MCCC2: variants seen among roughly 807,000 people sequenced by gnomAD.
The protein encoded by MCCC2 is methylcrotonyl-CoA carboxylase subunit 2.
Under a neutral mutation model 77.2 loss-of-function variants are expected in MCCC2, and 52 were observed. The ratio of observed to expected loss-of-function variants is 0.67; its 90% CI spans 0.54 to 0.85. The LOEUF (loss-of-function observed/expected upper bound fraction) is 0.85, where lower values mean the gene tolerates loss of function less well. Among genes scored for constraint, MCCC2 ranks in the 40% least tolerant of loss-of-function variants. The pLI, the probability that MCCC2 is intolerant of heterozygous loss-of-function variation, is 0.00. For synonymous variants in MCCC2, 253 were observed against 248.4 expected (o/e 1.02, Z -0.18); for missense variants, 682 against 703.2 (o/e 0.97, Z 0.34).
chr5:71,623,868 A>G (rs1277766856), intron 6 of MCCC2, among the ~76,000 whole-genome samples: 2 of 152,184 alleles, frequency 1.3e-5, no homozygotes, highest in African/African-American at 2.4e-5. Context: ...AATTCCCGGA[A>G]GTAGATATGC....
chr5:71,615,220 C>G (rs986906069), intron 6 of MCCC2, among the ~76,000 whole-genome samples: 2 of 152,148 alleles, frequency 1.3e-5, no homozygotes, highest in African/African-American at 4.8e-5. Flanking sequence ...CCACCCACCT[C>G]GACCTCCCAG....
intron 1 of MCCC2, among the ~76,000 whole-genome samples, chr5:71,588,636 A>G (rs769276390): frequency 1.2e-4 from 18 of 152,358 alleles, no homozygotes; most frequent in African/African-American, 3.8e-4. Flanking sequence ...AGGGTTGTCT[A>G]AAGCTTGAGA....
At position 71,657,254 on chromosome 5, in the gene MCCC2, G is replaced by T; in HGVS notation, c.*394G>T. ...GGTTATGCTTGGTGATATTTTAGCG[G>T]GCTTATTTTTGAAAGGCATCTGTTA... On this transcript the variant is annotated 3_prime_UTR_variant, in exon 17 of 17. Transcript: ENST00000340941. 1 of 227,396 alleles carries T rather than the reference G, an allele frequency of 4.4e-6. No individual in the cohort carries two copies. The highest frequency in any genetic ancestry group is 5.9e-5 in the South Asian group (1 of 16,948). The allele number at this position is 227,396 out of a possible 1,614,324, so 14.1% of individuals were successfully genotyped here. A position where few individuals can be genotyped will look rare whatever the true frequency, so the allele number is the denominator to read the frequency against.
intron 6 of MCCC2, among the ~76,000 whole-genome samples, chr5:71,624,797 G>C (rs1746483538): frequency 1.3e-5 from 2 of 149,500 alleles, no homozygotes; most frequent in South Asian, 4.3e-4. Flanking sequence ...CAGGTTAAGT[G>C]ATTCTCCTGC....
intron 13 of MCCC2, among the ~76,000 whole-genome samples, chr5:71,648,101 A>T (rs1561847586): frequency 6.6e-6 from 1 of 152,220 alleles, no homozygotes; most frequent in Non-Finnish European, 1.5e-5. Flanking sequence ...GATGGTGCCA[A>T]GTAAAGGGCT....
intron 4 of MCCC2, among the ~76,000 whole-genome samples, chr5:71,600,738 C>T (rs1305504330): frequency 1.3e-5 from 2 of 152,166 alleles, no homozygotes; most frequent in African/African-American, 4.8e-5. Context: ...TCTGGTGAGT[C>T]TGGGCATGGC....
chr5:71,627,050 T>C (rs1286694967), intron 7 of MCCC2, among the ~76,000 whole-genome samples: 1 of 152,216 alleles, frequency 6.6e-6, no homozygotes, highest in African/African-American at 2.4e-5. Flanking sequence ...CTTATGAATT[T>C]GACTATTCTA....
At chr5:71,619,774 G>A (rs1379453442) in intron 6 of MCCC2, among the ~76,000 whole-genome samples, 3 of 152,064 alleles carry the variant, frequency 2.0e-5, no homozygotes, top group Admixed American at 1.3e-4. Flanking sequence ...GGCAGATCAC[G>A]AGGTCAGGAG....
intron 12 of MCCC2, among the ~76,000 whole-genome samples, chr5:71,645,932 C>T (rs1747261860): frequency 6.6e-6 from 1 of 151,976 alleles, no homozygotes; most frequent in South Asian, 2.1e-4. Flanking sequence ...AGTGGTAGCA[C>T]ACACCTGTAG....
At chr5:71,638,035 T>A (rs1746991087) in intron 10 of MCCC2, among the ~76,000 whole-genome samples, 1 of 152,150 alleles carries the variant, frequency 6.6e-6, no homozygotes, top group Non-Finnish European at 1.5e-5. Flanking sequence ...TCAAAATGAG[T>A]CAGTCCTCTC....
At chr5:71,615,029 C>T (rs1746117054) in intron 6 of MCCC2, among the ~76,000 whole-genome samples, 3 of 152,080 alleles carry the variant, frequency 2.0e-5, no homozygotes, top group South Asian at 2.1e-4. Context: ...TGCAGTGGCA[C>T]GATCTCGGCT....
At chr5:71,640,849 G>C (rs545612803) in intron 10 of MCCC2, among the ~76,000 whole-genome samples, 154 bp from the exon 11 acceptor site, 7 of 152,198 alleles carry the variant, frequency 4.6e-5, no homozygotes, top group Non-Finnish European at 2.9e-5. Context: ...CATTAACCAG[G>C]CATGTCAAAT....
chr5:71,602,786 C>T, intron 5 of MCCC2, 153 bp downstream of exon 5: 2 of 1,143,388 alleles, frequency 1.7e-6, no homozygotes, highest in Non-Finnish European at 1.3e-6. Context: ...TTGCTGAAAA[C>T]TCTGGGGGAA....
intron 13 of MCCC2, 122 bp from the exon 14 acceptor site, chr5:71,648,975 T>C (rs1008593471): frequency 1.7e-6 from 2 of 1,154,756 alleles, no homozygotes; most frequent in Non-Finnish European, 2.6e-6. Flanking sequence ...ATATAAACAT[T>C]TTCTTAAGGC....
chr5:71,652,739 A>T lies in MCCC2; in HGVS notation c.1559A>T (p.Tyr520Phe), dbSNP rs150327768. The T allele has an allele frequency of 6.2e-7, 1 of 1,614,170 alleles. No individual in the cohort carries two copies. The highest frequency in any genetic ancestry group is 1.1e-5 in the South Asian group (1 of 91,078). ...IKKFEEEGNP[Y>F]YSSARVWDDG... ...AAGTTTGAAGAGGAAGGAAACCCTT[A>T]CTATTCCAGCGCAAGGTGGGGGCCA... The change falls in exon 16 of 17, where the codon TAC (tyrosine) becomes TTC (phenylalanine). Residue 520 changes from tyrosine to phenylalanine, a missense_variant. Physicochemically the swap from Tyr to Phe is conservative, Grantham distance 22 (BLOSUM62 3). Transcript: ENST00000340941.
chr5:71,600,356 C>T (rs539907164), intron 4 of MCCC2, among the ~76,000 whole-genome samples: 2 of 151,814 alleles, frequency 1.3e-5, no homozygotes, highest in South Asian at 4.2e-4. Context: ...GAGATGGTGT[C>T]TCGCTCTGTT....
chr5:71,613,002 C>T (rs1339321748), intron 6 of MCCC2, among the ~76,000 whole-genome samples: 3 of 152,208 alleles, frequency 2.0e-5, no homozygotes, highest in Non-Finnish European at 2.9e-5. Context: ...CTGGTGGCTC[C>T]AGGTATTCCC....
intron 7 of MCCC2, among the ~76,000 whole-genome samples, chr5:71,631,197 C>T (rs894278697): frequency 4.6e-5 from 7 of 152,236 alleles, no homozygotes; most frequent in African/African-American, 1.7e-4. Context: ...TTCCTGCCAC[C>T]AAGGAATTCA....
chr5:71,632,099 A>G (rs772381991), intron 7 of MCCC2, 22 bp from the exon 8 acceptor site: 2 of 1,612,754 alleles, frequency 1.2e-6, no homozygotes, highest in African/African-American at 2.7e-5. Flanking sequence ...GATTTCACTG[A>G]TGATTTTTAT....
Sources: allele counts gnomAD v4.1 joint callset (sites outside exome capture counted in the v4.1 genomes callset), GRCh38; gene constraint gnomAD v4.1.1; transcripts MANE v1.5; gene names NCBI Gene and HGNC (gene_info 2026-07-23, HGNC 2026-07-21).